CNTN4: variants seen among roughly 807,000 people sequenced by gnomAD.
CNTN4 encodes contactin 4, also known as contactin-4.
Under a neutral mutation model 122.5 loss-of-function variants are expected in CNTN4, and 77 were observed. That is an observed-to-expected ratio of 0.63 (90% CI 0.52 to 0.76). CNTN4 has a LOEUF of 0.76. Among genes scored for constraint, CNTN4 ranks in the 30% least tolerant of loss-of-function variants. CNTN4 has a pLI of 0.00. For synonymous variants in CNTN4, 512 were observed against 447.0 expected (o/e 1.15, Z -1.83); for missense variants, 1,256 against 1,259.1 (o/e 1.00, Z 0.04).
chr3:2,697,848 G>A (rs2086132573), intron 4 of CNTN4, among the ~76,000 whole-genome samples: 1 of 152,130 alleles, frequency 6.6e-6, no homozygotes, highest in African/African-American at 2.4e-5. Flanking sequence ...GAGTCCAAAG[G>A]CAGTCTGGAG....
intron 3 of CNTN4, among the ~76,000 whole-genome samples, chr3:2,493,210 A>G (rs920343038): frequency 4.6e-5 from 7 of 152,152 alleles, no homozygotes; most frequent in Non-Finnish European, 8.8e-5. Flanking sequence ...CATACTCTCA[A>G]AATAACTTCT....
intron 3 of CNTN4, among the ~76,000 whole-genome samples, chr3:2,389,261 C>T (rs935596510): frequency 8.7e-6 from 1 of 115,396 alleles, no homozygotes; most frequent in African/African-American, 2.7e-5. Flanking sequence ...TCTATCTTCA[C>T]GTGGCTGCAG....
chr3:2,913,270 A>T (rs1358100450), intron 12 of CNTN4, among the ~76,000 whole-genome samples: 2 of 152,248 alleles, frequency 1.3e-5, no homozygotes, highest in Non-Finnish European at 2.9e-5. Flanking sequence ...AAGATACATA[A>T]AACAAATGAA....
chr3:2,844,914 G>A (rs1437104410), intron 7 of CNTN4, among the ~76,000 whole-genome samples: 1 of 152,152 alleles, frequency 6.6e-6, no homozygotes, highest in African/African-American at 2.4e-5. Context: ...GTTCATGGCT[G>A]GTAGGCTACG....
chr3:2,572,298 A>G (rs2079457752), intron 4 of CNTN4, among the ~76,000 whole-genome samples: 1 of 152,172 alleles, frequency 6.6e-6, no homozygotes, highest in African/African-American at 2.4e-5. Context: ...AGGCAGGAGA[A>G]TTGCTTGAAC....
rs146848173 is a variant in CNTN4 at position 2,500,709 on chromosome 3, T to C, written c.-88-70707T>C. On this transcript the variant is annotated intron_variant, in intron 3 of 24. Transcript: ENST00000418658. ...AGACAACTTTTGATATAATTCATTC[T>C]TAAACAGAATCTATTTGATATTTAA... Among the ~76,000 whole-genome samples the C allele has an allele frequency of 5.0e-3, 754 of 152,280 alleles. 7 individuals are homozygous for C. Among genetic ancestry groups the C allele is most frequent in the African/African-American group, 0.017 (722 of 41,570 alleles).
rs142754535 is a variant in CNTN4, at chr3:2,831,903, C to T, written c.454+12322C>T. 5.9e-3 allele frequency among the ~76,000 whole-genome samples: 898 copies of T among 152,278 alleles called. 11 individuals are homozygous for T. The highest frequency in any genetic ancestry group is 0.021 in the African/African-American group (880 of 41,548). ...TTGAAGCCCAGTTCTTATCATTTCA[C>T]GCAAACCAGAGTATGCTTTTTGAAA... On this transcript the variant is annotated intron_variant, in intron 7 of 24. Transcript: ENST00000418658.
At chr3:2,560,326 G>T (rs990273179) in intron 3 of CNTN4, among the ~76,000 whole-genome samples, 3 of 151,750 alleles carry the variant, frequency 2.0e-5, no homozygotes, top group Non-Finnish European at 4.4e-5. Flanking sequence ...ATTTTTAGTA[G>T]ATATGGGGTT....
rs750488875 is a variant in CNTN4, at chr3:3,056,166, G to A, written c.3027G>A (p.Thr1009=). Reference sequence around the variant, plus strand: ...GGGCTTCCACTTCGAATGCATGTACGCTGTCAGCCATCAGTACAATAATGA... The same window carrying A: ...GGGCTTCCACTTCGAATGCATGTACACTGTCAGCCATCAGTACAATAATGA... ...GSGASTSNAC[T]LSAISTIMIS... The change falls in exon 25 of 25, where the codon ACG becomes ACA. Residue 1009 remains threonine (T), a synonymous_variant. Transcript: ENST00000418658. The A allele has an allele frequency of 1.5e-5, 24 of 1,613,966 alleles. No individual in the cohort carries two copies. Among genetic ancestry groups the A allele is most frequent in the African/African-American group, 1.3e-4 (10 of 74,924 alleles).
intron 6 of CNTN4, among the ~76,000 whole-genome samples, chr3:2,802,684 C>T (rs1473405021): frequency 2.6e-5 from 4 of 152,118 alleles, no homozygotes; most frequent in South Asian, 4.1e-4. Flanking sequence ...TGTATTTCCC[C>T]TACGGTTTAG....
chr3:2,764,250 T>C (rs2090735690), intron 6 of CNTN4, among the ~76,000 whole-genome samples: 1 of 152,224 alleles, frequency 6.6e-6, no homozygotes, highest in South Asian at 2.1e-4. Flanking sequence ...TTGAGACAAA[T>C]GCTAAGAAAA....
intron 2 of CNTN4, among the ~76,000 whole-genome samples, chr3:2,280,470 A>T (rs766306246): frequency 3.1e-4 from 47 of 152,220 alleles, no homozygotes; most frequent in Non-Finnish European, 5.6e-4. Flanking sequence ...CTGAGGATAC[A>T]AATGAAGAGT....
intron 6 of CNTN4, among the ~76,000 whole-genome samples, chr3:2,790,626 A>T (rs1232862995): frequency 1.3e-5 from 2 of 152,150 alleles, no homozygotes; most frequent in Non-Finnish European, 2.9e-5. Flanking sequence ...GTCCAGGAAA[A>T]TCACTTTATT....
chr3:2,671,683 A>T (rs1017005522), intron 4 of CNTN4, among the ~76,000 whole-genome samples: 1 of 152,040 alleles, frequency 6.6e-6, no homozygotes, highest in African/African-American at 2.4e-5. Flanking sequence ...TAGAATTTTC[A>T]GTTTTTCTGC....
rs796285190 is a variant in CNTN4, at chr3:2,129,196, T to C, written c.-145+28557T>C. On this transcript the variant is annotated intron_variant, in intron 2 of 24. Coordinates refer to ENST00000418658, the MANE Select transcript of CNTN4 (RefSeq NM_175607.3). ...TTTTTCATTTGTTATTATTTTTTGA[T>C]ACTAGGAAAGCCTTCTTGTGATACT... 4.1e-5 allele frequency among the ~76,000 whole-genome samples: 6 copies of C among 146,536 alleles called. No homozygotes were observed. The South Asian group carries it at 1.3e-3, about 32-fold the overall frequency.
intron 3 of CNTN4, among the ~76,000 whole-genome samples, chr3:2,439,166 T>C (rs1027916457): frequency 6.6e-6 from 1 of 152,218 alleles, no homozygotes; most frequent in East Asian, 1.9e-4. Context: ...AACTTTTATA[T>C]TAGAGCATTA....
At chr3:2,653,975 A>G (rs1324822945) in intron 4 of CNTN4, among the ~76,000 whole-genome samples, 1 of 152,226 alleles carries the variant, frequency 6.6e-6, no homozygotes, top group African/African-American at 2.4e-5. Flanking sequence ...AAACAGTTAC[A>G]GGGAAGTGGA....
chr3:2,777,204 G>A (rs561733354), intron 6 of CNTN4, among the ~76,000 whole-genome samples: 1 of 152,036 alleles, frequency 6.6e-6, no homozygotes, highest in Non-Finnish European at 1.5e-5. Flanking sequence ...TGTGTTTTAT[G>A]GTATTTAAAC....
At chr3:2,554,404 A>G (rs2078636656) in intron 3 of CNTN4, among the ~76,000 whole-genome samples, 2 of 152,098 alleles carry the variant, frequency 1.3e-5, no homozygotes, top group African/African-American at 4.8e-5. Flanking sequence ...ACCACTGGTC[A>G]GCTCAGTGAT....
Sources: gnomAD v4.1 joint callset for allele counts (sites outside exome capture counted in the v4.1 genomes callset) on GRCh38, gnomAD v4.1.1 for gene constraint, MANE v1.5 for transcripts, NCBI Gene and HGNC (gene_info 2026-07-23, HGNC 2026-07-21) for gene names.